CSMD1: variants seen among roughly 807,000 people sequenced by gnomAD.
CSMD1 encodes CUB and Sushi multiple domains 1, also known as CUB and sushi domain-containing protein 1.
Under a neutral mutation model 417.5 loss-of-function variants are expected in CSMD1, and 213 were observed. The ratio of observed to expected loss-of-function variants is 0.51; its 90% CI spans 0.46 to 0.57. The LOEUF is 0.57. Among genes scored for constraint, CSMD1 ranks in the 20% least tolerant of loss-of-function variants. The pLI, the probability that CSMD1 is intolerant of heterozygous loss-of-function variation, is 0.00. For synonymous variants in CSMD1, 2,862 were observed against 1,736.8 expected (o/e 1.65, Z -16.11); for missense variants, 6,923 against 4,529.7 (o/e 1.53, Z -15.17).
intron 3 of CSMD1, among the ~76,000 whole-genome samples, chr8:4,193,283 T>C (rs1409889986): frequency 6.6e-6 from 1 of 152,174 alleles, no homozygotes; most frequent in African/African-American, 2.4e-5. Flanking sequence ...CACACGTGTA[T>C]TAAAATACCA....
chr8:3,133,024 C>T (rs1817879016), intron 41 of CSMD1, among the ~76,000 whole-genome samples: 1 of 152,220 alleles, frequency 6.6e-6, no homozygotes, highest in African/African-American at 2.4e-5. Flanking sequence ...ATGAGGTTAG[C>T]TGACTTGCCT....
chr8:3,348,438 A>G (rs1808161924), intron 21 of CSMD1, among the ~76,000 whole-genome samples: 1 of 152,184 alleles, frequency 6.6e-6, no homozygotes, highest in Non-Finnish European at 1.5e-5. Context: ...TTCTAGAATA[A>G]AACAGAGGTG....
intron 26 of CSMD1, among the ~76,000 whole-genome samples, chr8:3,245,576 G>C (rs189208505): frequency 6.6e-6 from 1 of 152,172 alleles, no homozygotes; most frequent in Admixed American, 6.5e-5. Flanking sequence ...GCATCATCAA[G>C]GAAGGTAGCG....
At position 4,166,798 on chromosome 8, in the gene CSMD1, G is replaced by T. The variant is rs149395729; in HGVS notation, c.416-134699C>A. Among the ~76,000 whole-genome samples, 18 of 152,294 alleles carry T rather than the reference G, an allele frequency of 1.2e-4. 1 individual carries two copies. In the East Asian group the frequency reaches 3.5e-3, roughly 29 times the overall value. On this transcript the variant is annotated intron_variant, in intron 3 of 69. Coordinates refer to ENST00000635120, the MANE Select transcript of CSMD1 (RefSeq NM_033225.6). The stretch of plus-strand genomic sequence containing the variant: ...GTAGCCCTACCAAAATGATCAGGGT[G>T]TGTTTAATGAGACAATATTTTACAC...
intron 1 of CSMD1, among the ~76,000 whole-genome samples, chr8:4,907,823 C>T (rs865785981): frequency 6.6e-6 from 1 of 151,904 alleles, no homozygotes; most frequent in African/African-American, 2.4e-5. Context: ...TCCTCAGCCT[C>T]GCAAAGTGCT....
intron 5 of CSMD1, among the ~76,000 whole-genome samples, chr8:3,774,881 C>T (rs1563067102): frequency 6.6e-6 from 1 of 152,046 alleles, no homozygotes; most frequent in East Asian, 1.9e-4. Context: ...AGTGCTGAGC[C>T]CATATGTACA....
chr8:3,817,415 G>A (rs1043123924), intron 5 of CSMD1, among the ~76,000 whole-genome samples: 7 of 151,228 alleles, frequency 4.6e-5, no homozygotes, highest in African/African-American at 1.5e-4. Flanking sequence ...CAAGTAGCTG[G>A]GACTATAGGC....
At chr8:4,547,076 T>A (rs1797671382) in intron 2 of CSMD1, among the ~76,000 whole-genome samples, 1 of 152,184 alleles carries the variant, frequency 6.6e-6, no homozygotes, top group Non-Finnish European at 1.5e-5. Flanking sequence ...ACTTGTCTAT[T>A]TGTATATTTC....
chr8:3,625,250 G>T (rs1796437934), intron 7 of CSMD1, among the ~76,000 whole-genome samples: 1 of 152,092 alleles, frequency 6.6e-6, no homozygotes. Flanking sequence ...AGCTTTAAAT[G>T]AATAGTTCAC....
At chr8:4,311,680 G>A (rs187923295) in intron 3 of CSMD1, among the ~76,000 whole-genome samples, 93 of 144,350 alleles carry the variant, frequency 6.4e-4, no homozygotes, top group Admixed American at 1.6e-3. Context: ...CCGAGATTGT[G>A]CCACAGCACT....
chr8:3,241,590 G>A (rs1324106175), intron 26 of CSMD1, among the ~76,000 whole-genome samples: 1 of 152,182 alleles, frequency 6.6e-6, no homozygotes, highest in Admixed American at 6.5e-5. Flanking sequence ...CTGATTTTCA[G>A]TGGGGTCCTG....
chr8:4,117,383 A>G (rs1411541831), intron 3 of CSMD1, among the ~76,000 whole-genome samples: 1 of 151,194 alleles, frequency 6.6e-6, no homozygotes, highest in African/African-American at 2.4e-5. Context: ...CACCAGGCAA[A>G]GGAGCTCCCA....
intron 3 of CSMD1, among the ~76,000 whole-genome samples, chr8:4,147,359 A>T (rs927597517): frequency 2.0e-4 from 30 of 152,012 alleles, no homozygotes; most frequent in African/African-American, 7.0e-4. Context: ...TTCTTCCCTC[A>T]GTCCTCAGTG....
At chr8:3,823,669 C>T (rs916739077) in intron 5 of CSMD1, among the ~76,000 whole-genome samples, 2 of 151,908 alleles carry the variant, frequency 1.3e-5, no homozygotes, top group African/African-American at 2.4e-5. Context: ...ATCATTTACA[C>T]GTTTTATGCA....
chr8:3,389,744 C>G (rs7016135), intron 17 of CSMD1, among the ~76,000 whole-genome samples: 1 of 151,348 alleles, frequency 6.6e-6, no homozygotes, highest in Admixed American at 6.6e-5. Context: ...AGACAAACTG[C>G]GGTAGAAATA....
At position 3,332,285 on chromosome 8, in the gene CSMD1, G is replaced by C. The variant is rs545197863; in HGVS notation, c.3631+11009C>G. Among the ~76,000 whole-genome samples the C allele has an allele frequency of 4.6e-5, 7 of 152,358 alleles. No homozygotes were observed. In the South Asian group the frequency reaches 1.0e-3, roughly 23 times the overall value. On this transcript the variant is annotated intron_variant, in intron 23 of 69. Coordinates refer to ENST00000635120, the MANE Select transcript of CSMD1 (RefSeq NM_033225.6). ...CAATTGTATCCTGCCCTCTTGCTTT[G>C]CATGTGAATAAGACCCTCTTGTAAG...
intron 11 of CSMD1, among the ~76,000 whole-genome samples, chr8:3,482,694 T>A (rs924021926): frequency 6.6e-6 from 1 of 152,158 alleles, no homozygotes; most frequent in Admixed American, 6.6e-5. Context: ...CAAAGCCCTA[T>A]GAAAAGCTGA....
At chr8:4,666,914 A>T (rs533439650) in intron 1 of CSMD1, among the ~76,000 whole-genome samples, 16 of 151,512 alleles carry the variant, frequency 1.1e-4, no homozygotes, top group South Asian at 2.1e-4. Flanking sequence ...TTACCTAATT[A>T]AAAAAAAAGT....
chr8:3,997,137 A>C (rs1394487494), intron 5 of CSMD1, among the ~76,000 whole-genome samples: 2 of 152,252 alleles, frequency 1.3e-5, no homozygotes, highest in African/African-American at 2.4e-5. Context: ...TTCAGGTTTA[A>C]AATAATAAAA....
Sources: allele counts gnomAD v4.1 joint callset (sites outside exome capture counted in the v4.1 genomes callset), GRCh38; gene constraint gnomAD v4.1.1; transcripts MANE v1.5; gene names NCBI Gene and HGNC (gene_info 2026-07-23, HGNC 2026-07-21).